Variants in PTPRN2 observed in about 807,000 individuals in gnomAD.
PTPRN2 encodes receptor-type tyrosine-protein phosphatase N2.
Under a neutral mutation model 118.8 loss-of-function variants are expected in PTPRN2, and 74 were observed. The observed-to-expected ratio is 0.62, with a 90% confidence interval of 0.52 to 0.76. The LOEUF (loss-of-function observed/expected upper bound fraction) is 0.76, where lower values mean the gene tolerates loss of function less well. Among genes scored for constraint, PTPRN2 ranks in the 30% least tolerant of loss-of-function variants. The pLI, the probability that PTPRN2 is intolerant of heterozygous loss-of-function variation, is 0.00. For synonymous variants in PTPRN2, 641 were observed against 608.0 expected, an observed-to-expected ratio of 1.05 and a Z score of -0.80; for missense variants, 1,481 against 1,394.4, an observed-to-expected ratio of 1.06 and a Z score of -0.99.
intron 10 of PTPRN2, among the ~76,000 whole-genome samples, chr7:158,082,936 C>T (rs891641396): frequency 6.6e-6 from 1 of 152,210 alleles, no homozygotes; most frequent in African/African-American, 2.4e-5. Flanking sequence ...GCTGGGCCCT[C>T]TGCTGGTCCC....
intron 22 of PTPRN2, among the ~76,000 whole-genome samples, chr7:157,542,259 A>G (rs932708428): frequency 6.6e-6 from 1 of 152,228 alleles, no homozygotes; most frequent in African/African-American, 2.4e-5. Flanking sequence ...TAAATACACA[A>G]CAGCCATTCA....
At chr7:158,012,509 AT>A (rs1358065953) in intron 11 of PTPRN2, among the ~76,000 whole-genome samples, 1 of 152,254 alleles carries the variant, frequency 6.6e-6, no homozygotes, top group African/African-American at 2.4e-5. Context: ...ATGTCCAGTG[AT>A]TGACTTGGAG....
At position 157,835,687 on chromosome 7, in the gene PTPRN2, G is replaced by A. The variant is rs185103331; in HGVS notation, c.1788+62986C>T. Among the ~76,000 whole-genome samples, 4 of 152,292 alleles carry A rather than the reference G, an allele frequency of 2.6e-5. No individual in the cohort carries two copies. In the East Asian group the frequency reaches 7.7e-4, roughly 29 times the overall value. On this transcript the variant is annotated intron_variant, in intron 12 of 22. Coordinates refer to ENST00000389418, the MANE Select transcript of PTPRN2 (RefSeq NM_002847.5). ...CATAGCCGAAGGGTGCACTGCAAAT[G>A]CGTGGGAAACAATGGCTTATTCAAG... is the stretch of plus-strand genomic sequence containing the variant.
intron 12 of PTPRN2, among the ~76,000 whole-genome samples, chr7:157,897,270 A>AT (rs1009406584): frequency 6.6e-6 from 1 of 152,034 alleles, no homozygotes; most frequent in African/African-American, 2.4e-5. Flanking sequence ...CATCTTCCAC[A>AT]TGCAGGAGAC....
chr7:158,433,431 T>C (rs1816364917), intron 2 of PTPRN2, among the ~76,000 whole-genome samples: 1 of 152,226 alleles, frequency 6.6e-6, no homozygotes, highest in Non-Finnish European at 1.5e-5. Flanking sequence ...CTGTTGGGAA[T>C]ACATGTATCT....
intron 12 of PTPRN2, among the ~76,000 whole-genome samples, chr7:157,888,425 C>G (rs116568551): frequency 0.019 from 2,873 of 152,248 alleles, 76 homozygotes; most frequent in African/African-American, 0.062. Context: ...TCCATTCTGA[C>G]AAACCTACCT....
At chr7:157,967,160 A>T (rs978778720) in intron 11 of PTPRN2, among the ~76,000 whole-genome samples, 2 of 152,042 alleles carry the variant, frequency 1.3e-5, no homozygotes, top group African/African-American at 2.4e-5. Context: ...TCTCTATTAA[A>T]TTTTTTTTAA....
At chr7:158,111,146 G>A (rs746311156) in intron 9 of PTPRN2, among the ~76,000 whole-genome samples, 1 of 152,248 alleles carries the variant, frequency 6.6e-6, no homozygotes, top group Admixed American at 6.5e-5. Flanking sequence ...ACCGTGTGGA[G>A]ACTGGCTCCT....
At chr7:158,201,542 A>C (rs142912440) in intron 4 of PTPRN2, among the ~76,000 whole-genome samples, 1,644 of 152,252 alleles carry the variant, frequency 0.011, 31 homozygotes, top group African/African-American at 0.036. Context: ...ATAGGGATCT[A>C]CTTTCCCCTT....
intron 2 of PTPRN2, among the ~76,000 whole-genome samples, chr7:158,376,035 C>T (rs904278018): frequency 6.6e-6 from 1 of 152,170 alleles, no homozygotes; most frequent in African/African-American, 2.4e-5. Flanking sequence ...ATACTTAAGC[C>T]ATCTGTGGGT....
chr7:158,362,182 C>T (rs1056263832), intron 2 of PTPRN2, among the ~76,000 whole-genome samples: 117 of 152,330 alleles, frequency 7.7e-4, no homozygotes, highest in African/African-American at 2.8e-3. Flanking sequence ...TCCATCGCCC[C>T]AGCTCTCCTA....
Position 157,557,552 on chromosome 7 carries a change from C to CCACACACACACA in PTPRN2, c.2903-8545_2903-8534dup, listed in dbSNP as rs56360906. On this transcript the variant is annotated intron_variant, in intron 21 of 22. Transcript: ENST00000389418. Reference sequence around the variant, plus strand: ...ACACCCACACCCATCACACACACTCCCACACACACACACACACACACTCTC... The same window carrying CCACACACACACA: ...ACACCCACACCCATCACACACACTCCCACACACACACACACACACACACACACACACACTCTC... 1.5e-3 allele frequency among the ~76,000 whole-genome samples: 230 copies of CCACACACACACA among 149,726 alleles called. 1 individual carries two copies. Among genetic ancestry groups the CCACACACACACA allele is most frequent in the South Asian group, 4.9e-3 (23 of 4,696 alleles).
intron 2 of PTPRN2, among the ~76,000 whole-genome samples, chr7:158,359,225 A>T (rs1168362532): frequency 6.6e-6 from 1 of 152,238 alleles, no homozygotes; most frequent in African/African-American, 2.4e-5. Flanking sequence ...CTTTAACCAG[A>T]CACAAGTCTA....
At chr7:158,095,002 C>T (rs1045697132) in intron 10 of PTPRN2, among the ~76,000 whole-genome samples, 15 of 152,108 alleles carry the variant, frequency 9.9e-5, no homozygotes, top group East Asian at 3.9e-4. Context: ...TGAAGTGTAA[C>T]GCACACTCAT....
chr7:157,989,477 G>A (rs1298056944), intron 11 of PTPRN2, among the ~76,000 whole-genome samples: 1 of 150,868 alleles, frequency 6.6e-6, no homozygotes, highest in Non-Finnish European at 1.5e-5. Context: ...TTTCATAAGG[G>A]GGTAAGACTC....
chr7:158,486,188 C>G (rs7456124), intron 2 of PTPRN2, among the ~76,000 whole-genome samples: 29,212 of 152,304 alleles, frequency 0.19, 3,314 homozygotes, highest in East Asian at 0.41. Flanking sequence ...GGGCCACCTC[C>G]CTTATGTGGC....
chr7:158,146,823 A>G (rs1439174111), intron 6 of PTPRN2, among the ~76,000 whole-genome samples: 1 of 152,036 alleles, frequency 6.6e-6, no homozygotes, highest in Non-Finnish European at 1.5e-5. Flanking sequence ...ACACACTAAA[A>G]TGTTTTGGAG....
rs1204007766 is a variant in PTPRN2 at position 157,779,892 on chromosome 7, C to T, written c.1789-96955G>A. 6.6e-6 allele frequency among the ~76,000 whole-genome samples: 1 copy of T among 152,110 alleles called. No individual in the cohort carries two copies. The highest frequency in any genetic ancestry group is 2.4e-5 in the African/African-American group (1 of 41,422). On this transcript the variant is annotated intron_variant, in intron 12 of 22. Coordinates refer to ENST00000389418, the MANE Select transcript of PTPRN2 (RefSeq NM_002847.5). The surrounding 1 kb of genome is among the most constrained non-coding windows in gnomAD (Gnocchi z 4.7). ...AGGGCTGGGACGCCACTGATACCAT[C>T]GACGTACAACACGCCGCAAGCAGCC...
chr7:158,221,346 GA>G (rs1224573035), intron 3 of PTPRN2, among the ~76,000 whole-genome samples: 53 of 137,928 alleles, frequency 3.8e-4, no homozygotes, highest in Middle Eastern at 3.7e-3. Flanking sequence ...GCAACTGCAA[GA>G]AAAAAAAAAA....
Sources: gnomAD v4.1 joint callset for allele counts (sites outside exome capture counted in the v4.1 genomes callset) on GRCh38, gnomAD v4.1.1 for gene constraint, Gnocchi (gnomAD v3.1) non-coding constraint, MANE v1.5 for transcripts, NCBI Gene and HGNC (gene_info 2026-07-23, HGNC 2026-07-21) for gene names.